Variants in TENM3 observed in about 807,000 individuals in gnomAD.
TENM3 encodes teneurin transmembrane protein 3.
Under a neutral mutation model 255.1 loss-of-function variants are expected in TENM3, and 63 were observed. The ratio of observed to expected loss-of-function variants is 0.25; its 90% confidence interval spans 0.20 to 0.30. TENM3 has a LOEUF of 0.30. Among genes scored for constraint, TENM3 ranks in the 10% least tolerant of loss-of-function variants. The pLI is 1.00. For missense variants in TENM3, 2,929 were observed against 3,461.1 expected, an observed-to-expected ratio of 0.85 and a Z score of 3.86; for synonymous variants, 1,306 against 1,322.3, an observed-to-expected ratio of 0.99 and a Z score of 0.27.
chr4:181,512,777 CAT>C, the TENM3 span, among the ~76,000 whole-genome samples: 1 of 152,162 alleles, frequency 6.6e-6, no homozygotes, highest in Non-Finnish European at 1.5e-5. Flanking sequence ...ACTCTCCTAT[CAT>C]AGTATTAATT....
intron 3 of TENM3, among the ~76,000 whole-genome samples, chr4:182,553,655 C>A: frequency 6.6e-6 from 1 of 152,164 alleles, no homozygotes; most frequent in East Asian, 1.9e-4. Flanking sequence ...TTGCTAGGGA[C>A]GATGTCTACT....
chr4:181,515,604 G>A, the TENM3 span, among the ~76,000 whole-genome samples: 31 of 152,016 alleles, frequency 2.0e-4, no homozygotes, highest in Admixed American at 9.2e-4. Context: ...AGTGGCTTGA[G>A]AGTTCGAATT....
chr4:181,843,048 G>A, the TENM3 span, among the ~76,000 whole-genome samples: 8 of 152,082 alleles, frequency 5.3e-5, no homozygotes, highest in East Asian at 1.9e-4. Flanking sequence ...AGGTGAACTC[G>A]TTATTATATT....
the TENM3 span, among the ~76,000 whole-genome samples, chr4:181,686,044 G>C: frequency 1.6e-3 from 243 of 152,278 alleles, 2 homozygotes; most frequent in African/African-American, 5.3e-3. Flanking sequence ...AATCGGATCA[G>C]TATGCATATT....
At chr4:182,410,304 G>A (rs147559154) in intron 3 of TENM3, among the ~76,000 whole-genome samples, 64 of 152,336 alleles carry the variant, frequency 4.2e-4, no homozygotes, top group African/African-American at 1.5e-3. Context: ...GTAATTTTCT[G>A]GTTCTGAAAA....
intron 3 of TENM3, among the ~76,000 whole-genome samples, chr4:182,470,681 T>C (rs1289960132): frequency 6.6e-6 from 1 of 152,210 alleles, no homozygotes; most frequent in African/African-American, 2.4e-5. Flanking sequence ...GGATTTGCCA[T>C]AGGACATTTG....
chr4:181,885,010 C>A, the TENM3 span, among the ~76,000 whole-genome samples: 1 of 152,178 alleles, frequency 6.6e-6, no homozygotes, highest in Admixed American at 6.5e-5. Flanking sequence ...ATTACACTTT[C>A]TAGATCTTGG....
intron 22 of TENM3, among the ~76,000 whole-genome samples, chr4:182,761,715 T>A (rs1763214209): frequency 6.6e-6 from 1 of 152,190 alleles, no homozygotes; most frequent in South Asian, 2.1e-4. Context: ...TTTAGGAGTT[T>A]AAGAATGATT....
chr4:181,746,482 A>G, the TENM3 span, among the ~76,000 whole-genome samples: 1 of 152,226 alleles, frequency 6.6e-6, no homozygotes, highest in East Asian at 1.9e-4. Flanking sequence ...ATAAATGGTG[A>G]TGGAACCTGA....
chr4:182,400,842 T>C (rs1309459469), intron 3 of TENM3, among the ~76,000 whole-genome samples: 1 of 152,218 alleles, frequency 6.6e-6, no homozygotes, highest in Non-Finnish European at 1.5e-5. Context: ...TAGAAGGGAT[T>C]ATGTAGGAAT....
chr4:181,953,035 C>A, the TENM3 span, among the ~76,000 whole-genome samples: 1 of 152,162 alleles, frequency 6.6e-6, no homozygotes, highest in Non-Finnish European at 1.5e-5. Flanking sequence ...ACACAAAGAT[C>A]CTGAAACACG....
At chr4:181,592,916 C>T in the TENM3 span, among the ~76,000 whole-genome samples, 1 of 152,086 alleles carries the variant, frequency 6.6e-6, no homozygotes, top group South Asian at 2.1e-4. Context: ...CAAGCCTTAC[C>T]ACAATGTCTT....
chr4:182,405,029 G>A (rs1421498342), intron 3 of TENM3, among the ~76,000 whole-genome samples: 2 of 152,166 alleles, frequency 1.3e-5, no homozygotes, highest in Non-Finnish European at 2.9e-5. Flanking sequence ...ATTGTATTGC[G>A]GGACTCCTTG....
the TENM3 span, among the ~76,000 whole-genome samples, chr4:181,483,215 C>T: frequency 3.3e-5 from 5 of 151,938 alleles, no homozygotes; most frequent in East Asian, 1.9e-4. Context: ...GAACCTGTAC[C>T]GTTTTTGCCA....
intron 1 of TENM3, among the ~76,000 whole-genome samples, chr4:182,166,691 G>C (rs1398905098): frequency 6.6e-6 from 1 of 152,012 alleles, no homozygotes; most frequent in East Asian, 1.9e-4. Flanking sequence ...GAGTGCAGTG[G>C]TGCGATCTGA....
the TENM3 span, among the ~76,000 whole-genome samples, chr4:181,907,927 C>T: frequency 2.6e-5 from 4 of 152,094 alleles, no homozygotes; most frequent in South Asian, 6.2e-4. Context: ...AAACTAGAAC[C>T]GGCATCATAT....
chr4:181,638,826 A>G, the TENM3 span, among the ~76,000 whole-genome samples: 1 of 152,172 alleles, frequency 6.6e-6, no homozygotes, highest in South Asian at 2.1e-4. Context: ...GCACCTGCAT[A>G]TTTTGGTCTC....
chr4:181,581,074 A>T, the TENM3 span, among the ~76,000 whole-genome samples: 3 of 152,324 alleles, frequency 2.0e-5, no homozygotes, highest in African/African-American at 7.2e-5. Flanking sequence ...CAAAAATGGC[A>T]TACATAGCAA....
At chr4:181,997,637 G>T in the TENM3 span, among the ~76,000 whole-genome samples, 1 of 152,132 alleles carries the variant, frequency 6.6e-6, no homozygotes, top group African/African-American at 2.4e-5. Context: ...AGAATGTGTC[G>T]CTGAGATAAT....
Sources: allele counts gnomAD v4.1 joint callset (sites outside exome capture counted in the v4.1 genomes callset), GRCh38; gene constraint gnomAD v4.1.1; transcripts MANE v1.5; gene names NCBI Gene and HGNC (gene_info 2026-07-23, HGNC 2026-07-21).